The following NKAIN2 variants were observed in gnomAD, a reference collection of about 807,000 sequenced individuals.
NKAIN2 encodes sodium/potassium transporting ATPase interacting 2.
In NKAIN2, 14 loss-of-function variants were observed where a neutral mutation model predicts 32.6. That is an observed-to-expected ratio of 0.43 (90% CI 0.28 to 0.67). The LOEUF (loss-of-function observed/expected upper bound fraction) is 0.67. NKAIN2 is among the 30% of genes least tolerant of loss of function. The pLI is 0.17. For synonymous variants in NKAIN2, 80 were observed against 87.2 expected (o/e 0.92, Z 0.46); for missense variants, 198 against 258.3 (o/e 0.77, Z 1.60).
At chr6:124,426,241 T>C (rs566663114) in intron 3 of NKAIN2, among the ~76,000 whole-genome samples, 97 of 152,290 alleles carry the variant, frequency 6.4e-4, no homozygotes, top group African/African-American at 2.2e-3. Flanking sequence ...ACTGTACTTT[T>C]CCAGTGGAAG....
At chr6:124,191,106 C>T (rs970438827) in intron 1 of NKAIN2, among the ~76,000 whole-genome samples, 4 of 152,058 alleles carry the variant, frequency 2.6e-5, no homozygotes, top group South Asian at 2.1e-4. Flanking sequence ...TAACATGTAG[C>T]GAACATTACA....
rs187078841 is a variant in NKAIN2 at position 124,516,493 on chromosome 6, T to C, written c.274-141693T>C. On this transcript the variant is annotated intron_variant, in intron 3 of 6. Transcript: ENST00000368417. The stretch of plus-strand genomic sequence containing the variant: ...CATGTTAATAGGTGTTTTTAGTTAA[T>C]TAATTTCTTCCTTAGGATATTCATG... Among the ~76,000 whole-genome samples, 11 of 152,308 alleles carry C rather than the reference T, an allele frequency of 7.2e-5. No homozygotes were observed. In the East Asian group the frequency reaches 2.1e-3, roughly 29 times the overall value.
At chr6:124,346,735 T>C (rs1025498725) in intron 2 of NKAIN2, among the ~76,000 whole-genome samples, 8 of 151,954 alleles carry the variant, frequency 5.3e-5, no homozygotes, top group East Asian at 1.9e-4. Flanking sequence ...TGTCTCTGCA[T>C]GTGAGATGGG....
intron 1 of NKAIN2, among the ~76,000 whole-genome samples, chr6:124,250,567 C>G (rs1286972737): frequency 6.6e-6 from 1 of 151,878 alleles, no homozygotes; most frequent in Non-Finnish European, 1.5e-5. Flanking sequence ...TAAAAGATAA[C>G]AATTATTAAC....
At chr6:123,990,496 T>A (rs1359758303) in intron 1 of NKAIN2, among the ~76,000 whole-genome samples, 4 of 152,180 alleles carry the variant, frequency 2.6e-5, no homozygotes, top group Non-Finnish European at 4.4e-5. Context: ...GTTGTAAGAC[T>A]AGTGCTGTTG....
intron 1 of NKAIN2, among the ~76,000 whole-genome samples, chr6:124,058,377 A>T (rs1387070373): frequency 6.6e-6 from 1 of 152,112 alleles, no homozygotes; most frequent in African/African-American, 2.4e-5. Context: ...GAAGCGTGAG[A>T]GTGAAAGTAT....
intron 3 of NKAIN2, among the ~76,000 whole-genome samples, chr6:124,378,531 G>A (rs1026795621): frequency 6.6e-6 from 1 of 152,148 alleles, no homozygotes; most frequent in Non-Finnish European, 1.5e-5. Context: ...TCAGGATGTT[G>A]CATTCCCAGT....
chr6:123,947,736 T>G (rs1031089665), intron 1 of NKAIN2, among the ~76,000 whole-genome samples: 6 of 152,176 alleles, frequency 3.9e-5, no homozygotes, highest in African/African-American at 1.4e-4. Context: ...TCTCGAGCAT[T>G]TATCATTTCT....
chr6:124,109,425 G>T (rs577476796), intron 1 of NKAIN2, among the ~76,000 whole-genome samples: 17 of 151,830 alleles, frequency 1.1e-4, no homozygotes, highest in Non-Finnish European at 2.5e-4. Flanking sequence ...GAATTTATTT[G>T]TTCTAACAGT....
chr6:124,594,079 C>A (rs967411693), intron 3 of NKAIN2, among the ~76,000 whole-genome samples: 4 of 152,094 alleles, frequency 2.6e-5, no homozygotes, highest in African/African-American at 9.7e-5. Context: ...AGGTGACTAA[C>A]GATCATTAGT....
chr6:124,341,864 G>A (rs571855044), intron 2 of NKAIN2, among the ~76,000 whole-genome samples: 39 of 152,254 alleles, frequency 2.6e-4, no homozygotes, highest in African/African-American at 7.0e-4. Flanking sequence ...GATTTACATC[G>A]TAATGTAGAC....
chr6:124,366,901 C>T (rs1055299338), intron 3 of NKAIN2, among the ~76,000 whole-genome samples: 3 of 149,422 alleles, frequency 2.0e-5, no homozygotes, highest in Non-Finnish European at 3.0e-5. Context: ...GCACTCCAGC[C>T]TGGGTGACAG....
chr6:123,910,385 CTAAT>C (rs1409905743), intron 1 of NKAIN2, among the ~76,000 whole-genome samples: 1 of 151,640 alleles, frequency 6.6e-6, no homozygotes, highest in African/African-American at 2.4e-5. Context: ...AGATTTTCCA[CTAAT>C]TAATACTGAC....
At chr6:123,951,730 G>A (rs1027177368) in intron 1 of NKAIN2, among the ~76,000 whole-genome samples, 1 of 151,516 alleles carries the variant, frequency 6.6e-6, no homozygotes, top group Non-Finnish European at 1.5e-5. Flanking sequence ...CAGCCAATAT[G>A]TATCTTTTAA....
In NKAIN2 at chr6:123,846,418, T is replaced by C. The variant is rs1775093209; in HGVS notation, c.54+42164T>C. 3.3e-5 allele frequency among the ~76,000 whole-genome samples: 5 copies of C among 152,188 alleles called. No homozygotes were observed. The South Asian group carries it at 1.0e-3, about 31-fold the overall frequency. On this transcript the variant is annotated intron_variant, in intron 1 of 6. Transcript: ENST00000368417. ...GAGCCAAGTAAAGGAGAGATGCAAA[T>C]AGCTATGGGCTGTTTTTATTTAAAA...
At chr6:124,577,283 T>C (rs909330035) in intron 3 of NKAIN2, among the ~76,000 whole-genome samples, 2 of 152,138 alleles carry the variant, frequency 1.3e-5, no homozygotes, top group African/African-American at 4.8e-5. Flanking sequence ...ATGCTCATAT[T>C]ACTGAAAAAG....
At chr6:124,155,502 G>T (rs541233063) in intron 1 of NKAIN2, among the ~76,000 whole-genome samples, 2 of 151,780 alleles carry the variant, frequency 1.3e-5, no homozygotes, top group African/African-American at 4.8e-5. Context: ...GGCCAATGAA[G>T]GAAGAGCTTG....
At chr6:124,362,978 A>G (rs1451124799) in intron 3 of NKAIN2, among the ~76,000 whole-genome samples, 3 of 151,840 alleles carry the variant, frequency 2.0e-5, no homozygotes, top group Admixed American at 2.0e-4. Flanking sequence ...GGGTTTACAT[A>G]TGCGTGCCAC....
chr6:124,653,321 A>G (rs868798473), intron 3 of NKAIN2, among the ~76,000 whole-genome samples: 8 of 152,072 alleles, frequency 5.3e-5, no homozygotes, highest in Admixed American at 1.3e-4. Flanking sequence ...GGAACAGAAT[A>G]GAGAACCTAG....
Sources: gnomAD v4.1 joint callset for allele counts (sites outside exome capture counted in the v4.1 genomes callset) on GRCh38, gnomAD v4.1.1 for gene constraint, MANE v1.5 for transcripts, NCBI Gene and HGNC (gene_info 2026-07-23, HGNC 2026-07-21) for gene names.